SLF2: variants seen among roughly 807,000 people sequenced by gnomAD.
The protein encoded by SLF2 is SMC5-SMC6 complex localization factor protein 2.
Under a neutral mutation model 124.3 loss-of-function variants are expected in SLF2, and 68 were observed. The observed-to-expected ratio is 0.55, with a 90% CI of 0.45 to 0.67. The LOEUF (loss-of-function observed/expected upper bound fraction) is 0.67, where lower values mean the gene tolerates loss of function less well. Among genes scored for constraint, SLF2 ranks in the 30% least tolerant of loss-of-function variants. The probability of loss-of-function intolerance (pLI) is 0.00; values close to 1 mark genes in which losing one functional copy is unlikely to be tolerated. For missense variants in SLF2, 1,246 were observed against 1,373.7 expected (o/e 0.91, Z 1.47); for synonymous variants, 480 against 478.8 (o/e 1.00, Z -0.03).
Position 100,917,396 on chromosome 10 carries a change from C to T in SLF2, c.915+96C>T, listed in dbSNP as rs114932772. 1.5e-3 allele frequency: 2,055 copies of T among 1,335,422 alleles called. 8 individuals carry two copies. The highest frequency in any genetic ancestry group is 9.7e-3 in the African/African-American group (652 of 67,328). The allele number at this position is 1,335,422 out of a possible 1,614,324, so 82.7% of individuals were successfully genotyped here. On this transcript the variant is annotated intron_variant, in intron 3 of 19. Coordinates refer to ENST00000238961, the MANE Select transcript of SLF2 (RefSeq NM_018121.4). ...TTTAAGAGTTGTTACATCACATTGA[C>T]GTCTTTCCTGAAGGAAATACTTATG...
In SLF2 at chr10:100,945,564, T is replaced by C; in HGVS notation, c.2934+58T>C. On this transcript the variant is annotated intron_variant, in intron 13 of 19. Transcript: ENST00000238961. Reference sequence around the variant, plus strand: ...TTATATAGCATTACAATTTGACTCATAGTGCATATGGAATTAATACTGTTT... The same window carrying C: ...TTATATAGCATTACAATTTGACTCACAGTGCATATGGAATTAATACTGTTT... The C allele has an allele frequency of 3.0e-6, 4 of 1,314,146 alleles. No homozygotes were observed. In the South Asian group the frequency reaches 5.1e-5, roughly 17 times the overall value. The allele number at this position is 1,314,146 out of a possible 1,614,324, so 81.4% of individuals were successfully genotyped here.
At chr10:100,932,081 C>T (rs2133785394) in intron 9 of SLF2, among the ~76,000 whole-genome samples, 1 of 151,996 alleles carries the variant, frequency 6.6e-6, no homozygotes, top group Non-Finnish European at 1.5e-5. Context: ...ATAGTAACTA[C>T]TCAGTTAGAT....
rs1850186826 is a variant in SLF2, at chr10:100,950,352, A to T, written c.3252+145A>T. 3.1e-6 allele frequency: 3 copies of T among 980,002 alleles called. No individual in the cohort carries two copies. In the African/African-American group the frequency reaches 5.0e-5, roughly 16 times the overall value. The allele number at this position is 980,002 out of a possible 1,614,324, so 60.7% of individuals were successfully genotyped here. ...TAATTTTAAAGCGAATAATATTTTTAATTTATCACTGTCATGAAATTCTTC... is the reference window on the plus strand; with the variant it reads ...TAATTTTAAAGCGAATAATATTTTTTATTTATCACTGTCATGAAATTCTTC... On this transcript the variant is annotated intron_variant, in intron 16 of 19. Transcript: ENST00000238961.
chr10:100,960,105 A>G (rs1241404317), intron 19 of SLF2, among the ~76,000 whole-genome samples: 1 of 152,212 alleles, frequency 6.6e-6, no homozygotes, highest in Non-Finnish European at 1.5e-5. Context: ...AATCCATGTT[A>G]TAGCATGTAC....
chr10:100,937,047 T>C (rs1391433558), intron 9 of SLF2, among the ~76,000 whole-genome samples: 1 of 152,170 alleles, frequency 6.6e-6, no homozygotes, highest in African/African-American at 2.4e-5. Context: ...GCACATAAAA[T>C]GCCTTTATTT....
At chr10:100,936,268 A>G (rs147705176) in intron 9 of SLF2, among the ~76,000 whole-genome samples, 18 of 152,136 alleles carry the variant, frequency 1.2e-4, no homozygotes, top group African/African-American at 4.1e-4. Context: ...CTAGGGTATT[A>G]TCGATATTCT....
intron 1 of SLF2, 46 bp downstream of exon 1, chr10:100,913,296 G>T: frequency 6.7e-7 from 1 of 1,482,812 alleles, no homozygotes; most frequent in Non-Finnish European, 9.0e-7. Flanking sequence ...CGGGGGCAAG[G>T]GTATGAGGGG....
chr10:100,930,047 T>G, intron 8 of SLF2, 50 bp downstream of exon 8: 3 of 1,238,416 alleles, frequency 2.4e-6, no homozygotes, highest in Non-Finnish European at 3.3e-6. Context: ...AAAATTACTC[T>G]AAAACACTTC....
chr10:100,929,521 T>C (rs1849687084), intron 7 of SLF2, 82 bp downstream of exon 7: 2 of 1,194,748 alleles, frequency 1.7e-6, no homozygotes, highest in African/African-American at 1.5e-5. Context: ...AAATGGGCCA[T>C]TGATGGCTGT....
At chr10:100,925,078 A>T (rs1589946974) in intron 5 of SLF2, 106 bp downstream of exon 5, 2 of 1,153,382 alleles carry the variant, frequency 1.7e-6, no homozygotes, top group South Asian at 1.6e-5. Context: ...ATTTATTATA[A>T]CTCATATTTG....
In SLF2 at chr10:100,924,564, CAAGG is replaced by C; in HGVS notation, c.1566_1569del (p.Lys522AsnfsTer71). ...GGCATTCTACAGAATCCACCAAACA[CAAGG>C]AACACAAAGCAAAGACTAATAAGGC... On this transcript the variant is annotated frameshift_variant, in exon 5 of 20. Transcript: ENST00000238961. LOFTEE classifies it high-confidence loss of function. 1 of 1,614,042 alleles carries C rather than the reference CAAGG, an allele frequency of 6.2e-7. No homozygotes were observed. Among genetic ancestry groups the C allele is most frequent in the Non-Finnish European group, 8.5e-7 (1 of 1,180,004 alleles).
In SLF2 at chr10:100,924,834, C is replaced by T. The variant is rs749681948; in HGVS notation, c.1833C>T (p.Asn611=). ...FDSDEESLGY[N]LDSDEEEETL... is the part of the protein sequence containing the mutation. ...GTGATGAAGAAAGTTTAGGTTACAA[C>T]CTAGACAGTGATGAGGAAGAGGAAA... Residue 611 remains asparagine (N), a synonymous_variant, in exon 5 of 20, where the codon AAC becomes AAT. Coordinates refer to ENST00000238961, the MANE Select transcript of SLF2 (RefSeq NM_018121.4). 10 of 1,613,968 alleles carry T rather than the reference C, an allele frequency of 6.2e-6. No homozygotes were observed. Among genetic ancestry groups the T allele is most frequent in the Middle Eastern group, 1.6e-4 (1 of 6,084 alleles).
intron 15 of SLF2, among the ~76,000 whole-genome samples, chr10:100,949,344 T>G (rs1012790109): frequency 2.0e-5 from 3 of 152,232 alleles, no homozygotes; most frequent in African/African-American, 7.2e-5. Context: ...ATAGAATAAT[T>G]AGCTGAATAA....
chr10:100,918,538 T>C (rs995898621), intron 4 of SLF2, 97 bp downstream of exon 4: 1 of 751,204 alleles, frequency 1.3e-6, no homozygotes, highest in Non-Finnish European at 2.2e-6. Context: ...AGTTCCCTTC[T>C]TGGGGATGAA....
At chr10:100,938,135 C>G (rs1849901532) in intron 10 of SLF2, among the ~76,000 whole-genome samples, 1 of 152,122 alleles carries the variant, frequency 6.6e-6, no homozygotes, top group Non-Finnish European at 1.5e-5. Flanking sequence ...ACTGATAATA[C>G]AGTAAGGCAT....
intron 11 of SLF2, among the ~76,000 whole-genome samples, chr10:100,941,255 T>G (rs910287229): frequency 1.3e-4 from 20 of 152,208 alleles, no homozygotes; most frequent in Non-Finnish European, 1.5e-5. Flanking sequence ...TGAAAATGTT[T>G]GCAGATTGTC....
chr10:100,926,029 C>A lies in SLF2; in HGVS notation c.2042+10C>A. 6.2e-7 allele frequency: 1 copy of A among 1,614,178 alleles called. No homozygotes were observed. Among genetic ancestry groups the A allele is most frequent in the Non-Finnish European group, 8.5e-7 (1 of 1,180,034 alleles). On this transcript the variant is annotated intron_variant, in intron 6 of 19. Transcript: ENST00000238961. ...TGGAAGACACACAAAGGTTTGTTAG[C>A]ATAAAGATTAATTTGCTAAATTTAA... is the stretch of plus-strand genomic sequence containing the variant.
In SLF2 at chr10:100,924,339, A is replaced by G. The variant is rs756417290; in HGVS notation, c.1338A>G (p.Glu446=). ...MQKPHLPLSQ[E]KSAIKKASNL... ...AACCCCACTTACCTTTATCTCAGGA[A>G]AAGTCTGCAATTAAAAAAGCTAGCA... Residue 446 remains glutamate (E), a synonymous_variant, in exon 5 of 20, where the codon GAA becomes GAG. Coordinates refer to ENST00000238961, the MANE Select transcript of SLF2 (RefSeq NM_018121.4). 6 of 1,613,990 alleles carry G rather than the reference A, an allele frequency of 3.7e-6. No homozygotes were observed.
chr10:100,919,511 TG>T (rs1849486616), intron 4 of SLF2, among the ~76,000 whole-genome samples: 1 of 139,348 alleles, frequency 7.2e-6, no homozygotes, highest in South Asian at 2.4e-4. Flanking sequence ...ATTTATTGAT[TG>T]AAAAAAATAT....
Sources: allele counts gnomAD v4.1 joint callset (sites outside exome capture counted in the v4.1 genomes callset), GRCh38; gene constraint gnomAD v4.1.1; transcripts MANE v1.5; gene names NCBI Gene and HGNC (gene_info 2026-07-23, HGNC 2026-07-21).